PTPRN2: variants seen among roughly 807,000 people sequenced by gnomAD.
The protein encoded by PTPRN2 is receptor-type tyrosine-protein phosphatase N2.
PTPRN2 carries 74 observed loss-of-function variants against 118.8 expected under a neutral mutation model. That is an observed-to-expected ratio of 0.62 (90% CI 0.52 to 0.76). The LOEUF is 0.76. Ranked by LOEUF, PTPRN2 falls within the 30% of genes least tolerant of loss-of-function variation. PTPRN2 has a pLI of 0.00. For missense variants in PTPRN2, 1,481 were observed against 1,394.4 expected, an observed-to-expected ratio of 1.06 and a Z score of -0.99; for synonymous variants, 641 against 608.0, an observed-to-expected ratio of 1.05 and a Z score of -0.80.
At chr7:158,533,896 C>A (rs1351315748) in intron 1 of PTPRN2, among the ~76,000 whole-genome samples, 1 of 152,220 alleles carries the variant, frequency 6.6e-6, no homozygotes, top group Non-Finnish European at 1.5e-5. Flanking sequence ...TCCGTGCCGC[C>A]GTCACAGCTG....
intron 19 of PTPRN2, among the ~76,000 whole-genome samples, chr7:157,573,004 G>A (rs1333722817): frequency 1.3e-5 from 2 of 152,242 alleles, no homozygotes; most frequent in African/African-American, 4.8e-5. Context: ...ATGCCAGAGT[G>A]CCTTGAACAT....
rs1342837319 is a variant in PTPRN2 at position 157,792,719 on chromosome 7, G to C, written c.1788+105954C>G. 3.3e-5 allele frequency among the ~76,000 whole-genome samples: 5 copies of C among 152,162 alleles called. 1 individual carries two copies. Among genetic ancestry groups the C allele is most frequent in the African/African-American group, 1.2e-4 (5 of 41,460 alleles). ...GCCCAGGCTGGGGCCGGGGGTCTCTGCTCCTACAGCCCGCAGATGGGCCAC... is the reference window on the plus strand; with the variant it reads ...GCCCAGGCTGGGGCCGGGGGTCTCTCCTCCTACAGCCCGCAGATGGGCCAC... On this transcript the variant is annotated intron_variant, in intron 12 of 22. Transcript: ENST00000389418.
rs116424550 is a variant in PTPRN2 at position 158,297,253 on chromosome 7, G to A, written c.277+19566C>T. On this transcript the variant is annotated intron_variant, in intron 3 of 22. Transcript: ENST00000389418. The stretch of plus-strand genomic sequence containing the variant: ...TTTCAGATTGATCATCATTCAGAGA[G>A]AGCTGCTAACTCTCTGGCTTTCAGC... Among the ~76,000 whole-genome samples, 175 of 152,370 alleles carry A rather than the reference G, an allele frequency of 1.1e-3. 1 individual carries two copies. Among genetic ancestry groups the A allele is most frequent in the African/African-American group, 4.1e-3 (170 of 41,582 alleles).
intron 12 of PTPRN2, among the ~76,000 whole-genome samples, chr7:157,749,396 G>C (rs1801290259): frequency 6.9e-6 from 1 of 144,718 alleles, no homozygotes; most frequent in African/African-American, 2.7e-5. Context: ...TGAGCTGTGG[G>C]GTGTCCGGGT....
At chr7:157,835,242 G>C (rs184991722) in intron 12 of PTPRN2, among the ~76,000 whole-genome samples, 6 of 152,218 alleles carry the variant, frequency 3.9e-5, no homozygotes, top group East Asian at 3.9e-4. Context: ...AAGACACACA[G>C]CCTCTCTAAA....
chr7:157,752,566 T>G (rs1585381802), intron 12 of PTPRN2, among the ~76,000 whole-genome samples: 1 of 152,140 alleles, frequency 6.6e-6, no homozygotes, highest in South Asian at 2.1e-4. Flanking sequence ...CCAGCTGGCT[T>G]CTTCACCCGA....
At chr7:157,917,671 G>A (rs1350209284) in intron 11 of PTPRN2, among the ~76,000 whole-genome samples, 1 of 151,700 alleles carries the variant, frequency 6.6e-6, no homozygotes, top group African/African-American at 2.4e-5. Context: ...TTTTTTTTCA[G>A]TCTGCCTGGT....
chr7:157,867,509 G>C (rs533552418), intron 12 of PTPRN2, among the ~76,000 whole-genome samples: 291 of 115,798 alleles, frequency 2.5e-3, no homozygotes, highest in Admixed American at 4.7e-3. Context: ...CGGCCACCTG[G>C]ATACACGGCC....
intron 12 of PTPRN2, among the ~76,000 whole-genome samples, chr7:157,769,011 G>T (rs765763639): frequency 6.6e-6 from 1 of 152,182 alleles, no homozygotes; most frequent in Non-Finnish European, 1.5e-5. Flanking sequence ...CAGGTTGCAC[G>T]TGCCAGTCAG....
intron 12 of PTPRN2, among the ~76,000 whole-genome samples, chr7:157,814,403 A>C (rs2151124360): frequency 6.6e-6 from 1 of 151,960 alleles, no homozygotes; most frequent in Admixed American, 6.5e-5. Context: ...GGAGGCCACA[A>C]GGACAGGAGA....
At chr7:158,010,299 C>T (rs1023657533) in intron 11 of PTPRN2, among the ~76,000 whole-genome samples, 3 of 152,194 alleles carry the variant, frequency 2.0e-5, no homozygotes, top group Non-Finnish European at 2.9e-5. Context: ...CTACTTCAGG[C>T]CTCAGACGTT....
At chr7:158,458,605 C>A (rs951460582) in intron 2 of PTPRN2, among the ~76,000 whole-genome samples, 1 of 152,200 alleles carries the variant, frequency 6.6e-6, no homozygotes, top group Non-Finnish European at 1.5e-5. Context: ...CCCTCTCGTG[C>A]GGTCTCCCAA....
At chr7:158,131,043 C>G (rs539349802) in intron 9 of PTPRN2, among the ~76,000 whole-genome samples, 1 of 115,276 alleles carries the variant, frequency 8.7e-6, no homozygotes. Context: ...TATACACACA[C>G]GTACATACAG....
Position 157,831,452 on chromosome 7 carries a change from AT to A in PTPRN2, c.1788+67220del, listed in dbSNP as rs2151161167. Reference sequence around the variant, plus strand: ...GGAAGAGCAGGGCAGGGCTGGGTGCATTTGGAGTTGCCCTGGGGCTGGGGCT... The same window carrying A: ...GGAAGAGCAGGGCAGGGCTGGGTGCATTGGAGTTGCCCTGGGGCTGGGGCT... On this transcript the variant is annotated intron_variant, in intron 12 of 22. Coordinates refer to ENST00000389418, the MANE Select transcript of PTPRN2 (RefSeq NM_002847.5). This position sits in a 1 kb window ranked among gnomAD's most constrained non-coding sequence, Gnocchi z 4.8. Among the ~76,000 whole-genome samples the A allele has an allele frequency of 6.6e-6, 1 of 152,230 alleles. No individual in the cohort carries two copies. Among genetic ancestry groups the A allele is most frequent in the South Asian group, 2.1e-4 (1 of 4,822 alleles).
intron 1 of PTPRN2, among the ~76,000 whole-genome samples, chr7:158,495,694 T>C (rs1029426570): frequency 2.6e-5 from 4 of 152,130 alleles, no homozygotes; most frequent in African/African-American, 9.7e-5. Flanking sequence ...TAGAAAGCCA[T>C]TTCCACATTA....
chr7:158,253,189 T>C (rs1796797787), intron 3 of PTPRN2, among the ~76,000 whole-genome samples: 1 of 152,156 alleles, frequency 6.6e-6, no homozygotes, highest in Non-Finnish European at 1.5e-5. Context: ...ATCCACCAGA[T>C]CTACCTGGGC....
chr7:157,866,443 C>T (rs1488334439), intron 12 of PTPRN2, among the ~76,000 whole-genome samples: 1 of 152,066 alleles, frequency 6.6e-6, no homozygotes, highest in Non-Finnish European at 1.5e-5. Context: ...ACCATATGTA[C>T]ACACACGAAC....
chr7:158,218,407 T>A lies in PTPRN2; in HGVS notation c.278-13134A>T, dbSNP rs564068128. On this transcript the variant is annotated intron_variant, in intron 3 of 22. Coordinates refer to ENST00000389418, the MANE Select transcript of PTPRN2 (RefSeq NM_002847.5). The stretch of plus-strand genomic sequence containing the variant: ...AAGTGAACACTAAAGAAATTCACTA[T>A]CATTAGACCCGCTTTACAAAGGTCC... Among the ~76,000 whole-genome samples the A allele has an allele frequency of 9.7e-4, 147 of 152,270 alleles. 1 individual carries two copies. The highest frequency in any genetic ancestry group is 3.0e-3 in the African/African-American group (126 of 41,562).
chr7:158,118,090 C>T (rs1816872686), intron 9 of PTPRN2, among the ~76,000 whole-genome samples: 1 of 152,162 alleles, frequency 6.6e-6, no homozygotes, highest in Admixed American at 6.5e-5. Flanking sequence ...GAGACTAGTA[C>T]ATATCTTAAA....
Sources: gnomAD v4.1 joint callset for allele counts (sites outside exome capture counted in the v4.1 genomes callset) on GRCh38, gnomAD v4.1.1 for gene constraint, Gnocchi (gnomAD v3.1) non-coding constraint, MANE v1.5 for transcripts, NCBI Gene and HGNC (gene_info 2026-07-23, HGNC 2026-07-21) for gene names.